KCNH2: variants seen among roughly 807,000 people sequenced by gnomAD.
KCNH2 encodes voltage-gated inwardly rectifying potassium channel KCNH2.
In KCNH2, 35 loss-of-function variants were observed where a neutral mutation model predicts 95.9. The ratio of observed to expected loss-of-function variants is 0.37; its 90% confidence interval spans 0.28 to 0.48. KCNH2 has a LOEUF of 0.48. KCNH2 is among the 20% of genes least tolerant of loss of function. The pLI is 0.99. For missense variants in KCNH2, 1,274 were observed against 1,702.9 expected (o/e 0.75, Z 4.43); for synonymous variants, 786 against 754.7 (o/e 1.04, Z -0.68).
chr7:150,958,324 G>GAT lies in KCNH2; in HGVS notation c.650_651insAT (p.Met218SerfsTer143). 6.7e-7 allele frequency: 1 copy of GAT among 1,489,238 alleles called. No homozygotes were observed. Among genetic ancestry groups the GAT allele is most frequent in the Non-Finnish European group, 8.9e-7 (1 of 1,126,800 alleles). 92.3% of individuals were successfully genotyped at this position (1,489,238 alleles called of 1,614,324 possible). On this transcript the variant is annotated frameshift_variant, in exon 4 of 15. Transcript: ENST00000262186. LOFTEE classifies it high-confidence loss of function. ...CGAGCCCTGCCACGTGGTTGTCCAT[G>GAT]GCTGTCACTTCGTCCAGGGCCAGCG...
At chr7:150,949,317 G>T (rs367715332) in intron 9 of KCNH2, 1 of 1,367,714 alleles carries the variant, frequency 7.3e-7, no homozygotes, top group South Asian at 1.6e-5. Flanking sequence ...CAAACCCCAG[G>T]TCCCAAACAC....
chr7:150,948,246 G>A (rs911716327), intron 11 of KCNH2, among the ~76,000 whole-genome samples, 198 bp downstream of exon 11: 1 of 152,216 alleles, frequency 6.6e-6, no homozygotes, highest in South Asian at 2.1e-4. Flanking sequence ...GTGGAAGAGG[G>A]CTTCCTGGAG....
rs1460801598 is a variant in KCNH2, at chr7:150,951,692, G to C, written c.1701C>G (p.Ile567Met). ...GCTCCATGTTGCCGATGGCGTACCA[G>C]ATGCAGGCTAGCCAGTGCGCGATGA... is the stretch of plus-strand genomic sequence containing the variant. ...FALIAHWLAC[I>M]WYAIGNMEQP... Residue 567 changes from isoleucine to methionine, a missense_variant, in exon 7 of 15, where the codon ATC becomes ATG. Ile to Met is a conservative substitution (Grantham distance 10). Around this residue, in one of 7 missense-constraint regions of KCNH2, gnomAD observed 147 missense variants for 344.4 expected, o/e 0.43. Transcript: ENST00000262186. The C allele has an allele frequency of 6.2e-7, 1 of 1,614,212 alleles. No individual in the cohort carries two copies. Among genetic ancestry groups the C allele is most frequent in the Admixed American group, 1.7e-5 (1 of 60,038 alleles).
intron 4 of KCNH2, 30 bp from the exon 5 acceptor site, chr7:150,957,532 G>C (rs1177126216): frequency 7.1e-7 from 1 of 1,404,122 alleles, no homozygotes; most frequent in Non-Finnish European, 9.4e-7. Flanking sequence ...GGTCAGGCCA[G>C]CAGCCCAGGG....
intron 9 of KCNH2, 109 bp downstream of exon 9, chr7:150,950,059 T>C (rs1213942824): frequency 6.2e-7 from 1 of 1,611,974 alleles, no homozygotes; most frequent in Middle Eastern, 1.6e-4. Flanking sequence ...CCAGTGACCC[T>C]GCAGGCAGTC....
chr7:150,970,621 G>C (rs1454335085), intron 2 of KCNH2, among the ~76,000 whole-genome samples: 1 of 152,190 alleles, frequency 6.6e-6, no homozygotes, highest in East Asian at 1.9e-4. Context: ...AGAAGGGAAA[G>C]GTGGAGGGAA....
rs41312514 is a variant in KCNH2 at position 150,971,393 on chromosome 7, T to TG, written c.307+3317dup. Among the ~76,000 whole-genome samples the TG allele has an allele frequency of 4.9e-3, 742 of 151,884 alleles. 11 individuals carry two copies. The East Asian group carries it at 0.05, about 10-fold the overall frequency. ...ACAGCCGCAGCATCAGCTGTTGCAG[T>TG]GGGGGGCCCTCTGACCCTGTTACCA... On this transcript the variant is annotated intron_variant, in intron 2 of 14. Transcript: ENST00000262186.
rs199473028 is a variant in KCNH2, at chr7:150,946,983, G to A, written c.3224C>T (p.Pro1075Leu). Residue 1075 changes from proline (P) to leucine (L), a missense_variant, in exon 14 of 15, where the codon CCG becomes CTG. Around this residue, in one of 7 missense-constraint regions of KCNH2, gnomAD observed 457 missense variants for 416.1 expected, o/e 1.10. Transcript: ENST00000262186. The surrounding 1 kb of genome is among the most constrained non-coding windows in gnomAD (Gnocchi z 6.5). ...QLLQRQMTLVPPAYSAVTTPG... is the reference protein window; with the variant it reads ...QLLQRQMTLVLPAYSAVTTPG... ...GGTGGTCACAGCACTGTAGGCGGGC[G>A]GGACCAGCGTCATCTGCCTCTGTAG... 4.2e-5 allele frequency: 68 copies of A among 1,610,422 alleles called. No individual in the cohort carries two copies. Among genetic ancestry groups the A allele is most frequent in the South Asian group, 6.6e-5 (6 of 90,800 alleles).
intron 9 of KCNH2, chr7:150,949,428 T>TTC (rs1245736294): frequency 9.7e-7 from 1 of 1,030,718 alleles, no homozygotes; most frequent in Non-Finnish European, 1.2e-6. Context: ...TTTTTTTTTT[T>TTC]TTTTTACTGA....
chr7:150,949,683 A>C, intron 9 of KCNH2: 1 of 1,146,824 alleles, frequency 8.7e-7, no homozygotes, highest in Non-Finnish European at 1.1e-6. Context: ...AGGGGGAGGA[A>C]GTCCTCAGTG....
intron 2 of KCNH2, among the ~76,000 whole-genome samples, chr7:150,968,862 C>G (rs1400757854): frequency 1.1e-4 from 17 of 152,162 alleles, no homozygotes; most frequent in Non-Finnish European, 2.2e-4. Context: ...ATTGCAACAG[C>G]ACGGGCTAGG....
Position 150,952,346 on chromosome 7 carries a change from A to T in KCNH2, c.1557+79T>A. On this transcript the variant is annotated intron_variant, in intron 6 of 14. Coordinates refer to ENST00000262186, the MANE Select transcript of KCNH2 (RefSeq NM_000238.4). The surrounding 1 kb of genome is among the most constrained non-coding windows in gnomAD (Gnocchi z 7.3). ...TCTCTTTTTCTCTGTCCTCCTCGCC[A>T]CCCCCTCCACCCCACTACCTCCCAC... 7.3e-7 allele frequency: 1 copy of T among 1,377,156 alleles called. No homozygotes were observed. Among genetic ancestry groups the T allele is most frequent in the Non-Finnish European group, 1.0e-6 (1 of 988,036 alleles). The allele number at this position is 1,377,156 out of a possible 1,614,324, so 85.3% of individuals were successfully genotyped here.
Position 150,950,267 on chromosome 7 carries a change from C to A in KCNH2, c.2299G>T (p.Asp767Tyr), listed in dbSNP as rs199472993. Residue 767 changes from aspartate (D) to tyrosine (Y), a missense_variant, in exon 9 of 15, where the codon GAC becomes TAC. Physicochemically the swap from Asp to Tyr is radical, Grantham distance 160 (BLOSUM62 -3). This residue lies in a region of KCNH2 where 159 missense variants were observed against 282.5 expected (regional missense o/e 0.56). Coordinates refer to ENST00000262186, the MANE Select transcript of KCNH2 (RefSeq NM_000238.4). ...AGGTCCCCAGCATGCACCAGTGTGT[C>A]CCCTGGCGGTGCATGTGTGGTCTTG... ...KFKTTHAPPG[D>Y]TLVHAGDLLT... 1 of 1,613,742 alleles carries A rather than the reference C, an allele frequency of 6.2e-7. No individual in the cohort carries two copies.
At chr7:150,960,637 T>A (rs760405275) in intron 2 of KCNH2, among the ~76,000 whole-genome samples, 35 of 152,210 alleles carry the variant, frequency 2.3e-4, no homozygotes, top group Non-Finnish European at 5.0e-4. Context: ...GCCTATAACA[T>A]ATTAGCATTA....
rs199472881 is a variant in KCNH2, at chr7:150,958,103, A to C, written c.872T>G (p.Met291Arg). ...TGGCGGGGGCAGCACCCCGGCGCGCATGGCCTCGATGTCGTCGGCCGACGA... is the reference window on the plus strand; with the variant it reads ...TGGCGGGGGCAGCACCCCGGCGCGCCTGGCCTCGATGTCGTCGGCCGACGA... ...RASSADDIEAMRAGVLPPPPR... is the reference protein window; with the variant it reads ...RASSADDIEARRAGVLPPPPR... The change falls in exon 4 of 15, where the codon ATG becomes AGG. Residue 291 changes from methionine (M) to arginine (R), a missense_variant. Met to Arg is a moderately conservative substitution (Grantham distance 91). Around this residue, in one of 7 missense-constraint regions of KCNH2, gnomAD observed 392 missense variants for 429.9 expected, o/e 0.91. Coordinates refer to ENST00000262186, the MANE Select transcript of KCNH2 (RefSeq NM_000238.4). 3 of 1,288,204 alleles carry C rather than the reference A, an allele frequency of 2.3e-6. No homozygotes were observed. The Admixed American group carries it at 1.2e-4, about 54-fold the overall frequency. 79.8% of individuals were successfully genotyped at this position (1,288,204 alleles called of 1,614,324 possible). A position where few individuals can be genotyped will look rare whatever the true frequency, so the allele number is the denominator to read the frequency against.
In KCNH2 at chr7:150,976,005, G is replaced by A. The variant is rs7783285; in HGVS notation, c.77-1064C>T. 8.0e-3 allele frequency among the ~76,000 whole-genome samples: 1,220 copies of A among 152,380 alleles called. 13 individuals are homozygous for A. Among genetic ancestry groups the A allele is most frequent in the South Asian group, 0.038 (183 of 4,828 alleles). ...TGGCTCCCTGACTCCAGGCCTGCCC[G>A]GAGAGCCAGGCTGGCGAGTGAGCAG... On this transcript the variant is annotated intron_variant, in intron 1 of 14. Coordinates refer to ENST00000262186, the MANE Select transcript of KCNH2 (RefSeq NM_000238.4).
At chr7:150,947,907 G>A (rs996210443) in intron 11 of KCNH2, 29 bp from the exon 12 acceptor site, 1 of 1,527,672 alleles carries the variant, frequency 6.5e-7, no homozygotes, top group South Asian at 1.2e-5. Flanking sequence ...GGGCCTCAGA[G>A]AGGGGAGGAG....
chr7:150,959,967 C>T (rs550783787), intron 2 of KCNH2, among the ~76,000 whole-genome samples: 1 of 152,216 alleles, frequency 6.6e-6, no homozygotes, highest in Non-Finnish European at 1.5e-5. Flanking sequence ...TCCCCTACCC[C>T]TCTCTCTGCC....
chr7:150,950,769 A>G (rs761538741), intron 8 of KCNH2, 152 bp downstream of exon 8: 8 of 861,380 alleles, frequency 9.3e-6, no homozygotes, highest in African/African-American at 1.7e-5. Context: ...AAGGGCTTCC[A>G]TTTCCTCATG....
Sources: allele counts gnomAD v4.1 joint callset (sites outside exome capture counted in the v4.1 genomes callset), GRCh38; gene constraint gnomAD v4.1.1; regional missense constraint gnomAD v4.1.1; non-coding constraint Gnocchi (gnomAD v3.1); transcripts MANE v1.5; gene names NCBI Gene and HGNC (gene_info 2026-07-23, HGNC 2026-07-21).